The following FMNL2 variants were observed in gnomAD, a reference collection of about 807,000 sequenced individuals.
The protein encoded by FMNL2 is formin-like protein 2.
Under a neutral mutation model 130.2 loss-of-function variants are expected in FMNL2, and 51 were observed. That is an observed-to-expected ratio of 0.39 (90% confidence interval 0.31 to 0.49). The LOEUF (loss-of-function observed/expected upper bound fraction) is 0.49, where lower values mean the gene tolerates loss of function less well. Ranked by LOEUF, FMNL2 falls within the 20% of genes least tolerant of loss-of-function variation. The pLI is 0.85. For synonymous variants in FMNL2, 465 were observed against 467.1 expected (o/e 1.00, Z 0.06); for missense variants, 977 against 1,316.2 (o/e 0.74, Z 3.99).
intron 8 of FMNL2, 80 bp from the exon 9 acceptor site, chr2:152,580,876 A>T (rs979264209): frequency 1.6e-6 from 2 of 1,262,044 alleles, no homozygotes; most frequent in Middle Eastern, 1.9e-4. Flanking sequence ...TTTTATTCTC[A>T]TGTATCTTGG....
At position 152,393,928 on chromosome 2, in the gene FMNL2, G is replaced by A. The variant is rs183938862; in HGVS notation, c.117+58208G>A. Among the ~76,000 whole-genome samples the A allele has an allele frequency of 1.0e-3, 154 of 152,310 alleles. 2 individuals are homozygous for A. Among genetic ancestry groups the A allele is most frequent in the Non-Finnish European group, 4.6e-4 (31 of 68,030 alleles). ...TATATAGTTTTTTATATGCCCTGGA[G>A]TATCATTCCTCTTTATTTTTTTAGC... On this transcript the variant is annotated intron_variant, in intron 1 of 25. Coordinates refer to ENST00000288670, the MANE Select transcript of FMNL2 (RefSeq NM_052905.4).
At chr2:152,444,076 C>T (rs1688209889) in intron 1 of FMNL2, among the ~76,000 whole-genome samples, 1 of 152,026 alleles carries the variant, frequency 6.6e-6, no homozygotes. Context: ...AGAAGGCAGC[C>T]AGCAATGGGT....
chr2:152,391,470 G>A (rs1490885028), intron 1 of FMNL2, among the ~76,000 whole-genome samples: 4 of 152,126 alleles, frequency 2.6e-5, no homozygotes, highest in Non-Finnish European at 4.4e-5. Flanking sequence ...CAGCAAATGT[G>A]TCTTGTGTAT....
chr2:152,640,756 T>C, intron 24 of FMNL2, 35 bp from the exon 25 acceptor site: 4 of 1,607,648 alleles, frequency 2.5e-6, no homozygotes, highest in Non-Finnish European at 3.4e-6. Context: ...TAATGGGTGC[T>C]GGCCTCACTA....
chr2:152,621,132 C>T (rs1271840361), intron 15 of FMNL2: 10 of 985,306 alleles, frequency 1.0e-5, no homozygotes, highest in African/African-American at 1.7e-5. Context: ...GTCCCGTGCA[C>T]CTGGCCACCC....
intron 15 of FMNL2, among the ~76,000 whole-genome samples, chr2:152,623,327 G>A (rs2105908932): frequency 6.6e-6 from 1 of 152,328 alleles, no homozygotes; most frequent in South Asian, 2.1e-4. Flanking sequence ...AGGAAAGTCT[G>A]TTCCTTTGTC....
At chr2:152,378,765 A>G (rs1191447047) in intron 1 of FMNL2, among the ~76,000 whole-genome samples, 2 of 152,112 alleles carry the variant, frequency 1.3e-5, no homozygotes, top group Non-Finnish European at 2.9e-5. Flanking sequence ...TAAGTGTGAA[A>G]TGCTGTGTAG....
At chr2:152,444,849 G>A (rs1000274788) in intron 1 of FMNL2, among the ~76,000 whole-genome samples, 2 of 150,398 alleles carry the variant, frequency 1.3e-5, no homozygotes, top group African/African-American at 4.9e-5. Flanking sequence ...GAGGTCATAT[G>A]ACCATCAATA....
At chr2:152,538,839 G>A (rs559436594) in intron 2 of FMNL2, among the ~76,000 whole-genome samples, 6 of 152,060 alleles carry the variant, frequency 3.9e-5, no homozygotes, top group Admixed American at 1.3e-4. Context: ...GTTTCAATGT[G>A]GCCAATTTGA....
intron 6 of FMNL2, among the ~76,000 whole-genome samples, chr2:152,572,931 G>GGAC (rs1371710037): frequency 1.3e-5 from 2 of 152,010 alleles, no homozygotes; most frequent in Non-Finnish European, 2.9e-5. Flanking sequence ...CTAACCCATG[G>GGAC]CACAGTCCCT....
At chr2:152,376,994 G>A (rs968321791) in intron 1 of FMNL2, among the ~76,000 whole-genome samples, 2 of 152,216 alleles carry the variant, frequency 1.3e-5, no homozygotes, top group African/African-American at 4.8e-5. Context: ...GTATGGTGGT[G>A]TGGAAACAAC....
chr2:152,364,263 T>G (rs1373126992), intron 1 of FMNL2, among the ~76,000 whole-genome samples: 104 of 9,554 alleles, frequency 0.011, 1 homozygote, highest in African/African-American at 0.031. Context: ...GTTTGTGTGT[T>G]TTTTTTTTTT....
chr2:152,417,105 T>C (rs1686659759), intron 1 of FMNL2, among the ~76,000 whole-genome samples: 1 of 152,244 alleles, frequency 6.6e-6, no homozygotes. Flanking sequence ...CACGATTACT[T>C]ATCCTAGTCT....
At chr2:152,407,976 G>A (rs1475718831) in intron 1 of FMNL2, among the ~76,000 whole-genome samples, 1 of 152,202 alleles carries the variant, frequency 6.6e-6, no homozygotes, top group Non-Finnish European at 1.5e-5. Flanking sequence ...GGATCTGTTT[G>A]TGAAAGACGA....
intron 25 of FMNL2, chr2:152,643,792 A>T (rs1683305040): frequency 4.1e-6 from 4 of 985,382 alleles, no homozygotes; most frequent in African/African-American, 1.7e-5. Context: ...AGAAATTTTC[A>T]GAAAAATAGA....
chr2:152,577,261 T>C (rs1034139964), intron 7 of FMNL2, among the ~76,000 whole-genome samples: 1 of 152,136 alleles, frequency 6.6e-6, no homozygotes, highest in Admixed American at 6.5e-5. Context: ...CCAGGGCTTT[T>C]GTCTTGGGCA....
intron 18 of FMNL2, among the ~76,000 whole-genome samples, chr2:152,628,739 A>G (rs1229898434): frequency 6.6e-6 from 1 of 152,198 alleles, no homozygotes; most frequent in East Asian, 1.9e-4. Context: ...CATATTCCAT[A>G]TTGCCATTCT....
At chr2:152,422,553 C>G (rs1394470586) in intron 1 of FMNL2, among the ~76,000 whole-genome samples, 1 of 152,058 alleles carries the variant, frequency 6.6e-6, no homozygotes, top group Non-Finnish European at 1.5e-5. Context: ...GAGACAGGGT[C>G]TTGCACTGTC....
chr2:152,594,102 C>T (rs951907036), intron 9 of FMNL2, among the ~76,000 whole-genome samples: 1 of 151,992 alleles, frequency 6.6e-6, no homozygotes, highest in African/African-American at 2.4e-5. Context: ...TGAGAGGATT[C>T]CTGGTGGGTC....
Sources: allele counts gnomAD v4.1 joint callset (sites outside exome capture counted in the v4.1 genomes callset), GRCh38; gene constraint gnomAD v4.1.1; transcripts MANE v1.5; gene names NCBI Gene and HGNC (gene_info 2026-07-23, HGNC 2026-07-21).